Variants in FSTL4 observed in about 807,000 individuals in gnomAD.
The protein encoded by FSTL4 is follistatin-related protein 4.
FSTL4 carries 28 observed loss-of-function variants against 78.2 expected under a neutral mutation model. That is an observed-to-expected ratio of 0.36 (90% CI 0.27 to 0.49). The LOEUF (loss-of-function observed/expected upper bound fraction) is 0.49. FSTL4 is among the 20% of genes least tolerant of loss of function. The pLI, the probability that FSTL4 is intolerant of heterozygous loss-of-function variation, is 0.98. For synonymous variants in FSTL4, 422 were observed against 440.5 expected (o/e 0.96, Z 0.53); for missense variants, 922 against 1,084.9 (o/e 0.85, Z 2.11).
chr5:133,576,643 T>C lies in FSTL4; in HGVS notation c.127-9424A>G, dbSNP rs539697262. On this transcript the variant is annotated intron_variant, in intron 2 of 15. Coordinates refer to ENST00000265342, the MANE Select transcript of FSTL4 (RefSeq NM_015082.2). The stretch of plus-strand genomic sequence containing the variant: ...AGATGGGCCCCTGACTGGCAGCACC[T>C]CCATCCAGCAGCAGAGGGGCTGAGG... Among the ~76,000 whole-genome samples the C allele has an allele frequency of 1.6e-4, 25 of 152,202 alleles. No individual in the cohort carries two copies. In the South Asian group the frequency reaches 5.2e-3, roughly 32 times the overall value.
intron 3 of FSTL4, among the ~76,000 whole-genome samples, chr5:133,491,500 T>C (rs1169798945): frequency 1.3e-5 from 2 of 151,690 alleles, no homozygotes; most frequent in African/African-American, 4.8e-5. Context: ...CCCAGGTTCA[T>C]GCCATTCTCC....
At chr5:133,483,601 TAGCCTGGAGGCCA>T (rs1260311307) in intron 3 of FSTL4, among the ~76,000 whole-genome samples, 2 of 152,342 alleles carry the variant, frequency 1.3e-5, no homozygotes, top group Admixed American at 6.5e-5. Context: ...CCTCATTATT[TAGCCTGGAGGCCA>T]AGGCCAGGTC....
chr5:133,759,069 G>A, the FSTL4 span, among the ~76,000 whole-genome samples: 1 of 152,084 alleles, frequency 6.6e-6, no homozygotes, highest in Non-Finnish European at 1.5e-5. Context: ...CACATTCAAC[G>A]GGATGGGAAT....
At chr5:133,232,774 G>C (rs781370058) in intron 8 of FSTL4, among the ~76,000 whole-genome samples, 28 of 152,180 alleles carry the variant, frequency 1.8e-4, no homozygotes, top group Non-Finnish European at 2.9e-4. Context: ...GTGAAGGGCT[G>C]AGTACAGGGA....
upstream of FSTL4, among the ~76,000 whole-genome samples, chr5:133,615,846 G>C (rs557686698): frequency 6.6e-6 from 1 of 152,262 alleles, no homozygotes; most frequent in South Asian, 2.1e-4. Context: ...AATTTTTCGA[G>C]ACAAAGAAGA....
At chr5:133,356,445 G>C (rs1754946318) in intron 4 of FSTL4, among the ~76,000 whole-genome samples, 1 of 152,204 alleles carries the variant, frequency 6.6e-6, no homozygotes, top group African/African-American at 2.4e-5. Context: ...GTATGTCATG[G>C]AGAGTTTTGA....
chr5:133,399,241 T>C (rs1240699539), intron 4 of FSTL4, among the ~76,000 whole-genome samples: 3 of 152,222 alleles, frequency 2.0e-5, no homozygotes. Context: ...TCAAGTGTTT[T>C]AGTGTGCACG....
intron 6 of FSTL4, among the ~76,000 whole-genome samples, chr5:133,254,522 G>A (rs1043718779): frequency 1.3e-5 from 2 of 152,224 alleles, no homozygotes; most frequent in Admixed American, 6.5e-5. Context: ...AATGGAAAGG[G>A]TATATTGGGC....
At chr5:133,326,094 A>C (rs1473007358) in intron 4 of FSTL4, among the ~76,000 whole-genome samples, 1 of 152,240 alleles carries the variant, frequency 6.6e-6, no homozygotes, top group Non-Finnish European at 1.5e-5. Context: ...TTTTACTCCC[A>C]GCTCTAATTT....
At chr5:133,822,053 A>G in the FSTL4 span, among the ~76,000 whole-genome samples, 1 of 152,222 alleles carries the variant, frequency 6.6e-6, no homozygotes, top group Admixed American at 6.5e-5. Flanking sequence ...ACTTGCCTCC[A>G]AGACTCTGCA....
At chr5:133,704,017 C>T in the FSTL4 span, among the ~76,000 whole-genome samples, 1 of 152,144 alleles carries the variant, frequency 6.6e-6, no homozygotes, top group Non-Finnish European at 1.5e-5. Flanking sequence ...ATACCTGCTA[C>T]TCACCACACG....
intron 4 of FSTL4, among the ~76,000 whole-genome samples, chr5:133,358,532 G>T (rs1325726820): frequency 1.3e-5 from 2 of 151,914 alleles, no homozygotes; most frequent in Non-Finnish European, 2.9e-5. Context: ...TGAAGCCCGT[G>T]CTGCTGATAC....
At chr5:133,696,648 G>A in the FSTL4 span, among the ~76,000 whole-genome samples, 3 of 152,242 alleles carry the variant, frequency 2.0e-5, no homozygotes, top group Non-Finnish European at 4.4e-5. Flanking sequence ...ATAACTACAT[G>A]TGGATAAGTG....
chr5:133,828,777 G>A, the FSTL4 span, among the ~76,000 whole-genome samples: 1 of 152,214 alleles, frequency 6.6e-6, no homozygotes, highest in African/African-American at 2.4e-5. Flanking sequence ...AGTCTTTACA[G>A]CTTGCTCCTC....
chr5:133,506,164 T>G (rs1301692933), intron 3 of FSTL4, among the ~76,000 whole-genome samples: 2 of 152,222 alleles, frequency 1.3e-5, no homozygotes, highest in Non-Finnish European at 2.9e-5. Context: ...AAATAACGAC[T>G]GTCAATTCAT....
At chr5:133,515,703 C>T (rs1421474859) in intron 3 of FSTL4, among the ~76,000 whole-genome samples, 4 of 147,700 alleles carry the variant, frequency 2.7e-5, no homozygotes, top group East Asian at 2.0e-4. Context: ...AAAAGCAAAA[C>T]GTACAAAAAA....
intron 3 of FSTL4, among the ~76,000 whole-genome samples, chr5:133,455,723 C>T (rs1757474331): frequency 6.6e-6 from 1 of 152,202 alleles, no homozygotes; most frequent in African/African-American, 2.4e-5. Flanking sequence ...CAAAATGATA[C>T]TTAAGGTCTT....
At chr5:133,623,749 AG>A in the FSTL4 span, among the ~76,000 whole-genome samples, 1 of 152,210 alleles carries the variant, frequency 6.6e-6, no homozygotes, top group East Asian at 1.9e-4. Context: ...ATATCTGATA[AG>A]GAATAAGAAC....
intron 15 of FSTL4, 63 bp downstream of exon 15, chr5:133,201,870 C>G: frequency 1.1e-6 from 1 of 918,896 alleles, no homozygotes; most frequent in Non-Finnish European, 1.7e-6. Flanking sequence ...CTGGGCAATG[C>G]TGCCCCTTGC....
Sources: allele counts gnomAD v4.1 joint callset (sites outside exome capture counted in the v4.1 genomes callset), GRCh38; gene constraint gnomAD v4.1.1; transcripts MANE v1.5; gene names NCBI Gene and HGNC (gene_info 2026-07-23, HGNC 2026-07-21).